Variants in IGSF5 observed in about 807,000 individuals in gnomAD.
The protein encoded by IGSF5 is immunoglobulin superfamily member 5.
Under a neutral mutation model 39.4 loss-of-function variants are expected in IGSF5, and 41 were observed. That is an observed-to-expected ratio of 1.04 (90% CI 0.81 to 1.35). The LOEUF (loss-of-function observed/expected upper bound fraction) is 1.35. Ranked by LOEUF, IGSF5 falls within the 40% of genes most tolerant of loss-of-function variation. IGSF5 has a pLI of 0.00. For missense variants in IGSF5, 487 were observed against 494.6 expected (o/e 0.98, Z 0.15); for synonymous variants, 183 against 175.3 (o/e 1.04, Z -0.34).
intron 5 of IGSF5, among the ~76,000 whole-genome samples, chr21:39,785,731 C>G (rs1153336): frequency 0.22 from 33,128 of 151,534 alleles, 4,491 homozygotes; most frequent in Non-Finnish European, 0.32. Context: ...CTTTTATTTC[C>G]TTGAGCAGTG....
intron 4 of IGSF5, among the ~76,000 whole-genome samples, chr21:39,776,042 A>G (rs997150430): frequency 6.6e-6 from 1 of 152,122 alleles, no homozygotes; most frequent in Non-Finnish European, 1.5e-5. Context: ...TATGGATGAC[A>G]TCATTCCAAG....
At chr21:39,734,532 C>T in the IGSF5 span, among the ~76,000 whole-genome samples, 26 of 151,652 alleles carry the variant, frequency 1.7e-4, no homozygotes, top group Non-Finnish European at 3.4e-4. Context: ...AAATCCTCTG[C>T]GCTTCACCTA....
In IGSF5 at chr21:39,758,135, G is replaced by A. The variant is rs117668587; in HGVS notation, c.101-7400G>A. Among the ~76,000 whole-genome samples, 276 of 152,246 alleles carry A rather than the reference G, an allele frequency of 1.8e-3. 6 individuals are homozygous for A. The East Asian group carries it at 0.036, about 20-fold the overall frequency. On this transcript the variant is annotated intron_variant, in intron 2 of 8. Transcript: ENST00000380588. ...CTGGTCGTCCTGGCACGTAGGGATC[G>A]CCTGAGCTTGGTGGGCTGTTCACCA...
intron 6 of IGSF5, among the ~76,000 whole-genome samples, chr21:39,790,446 C>T (rs1197931012): frequency 6.6e-6 from 1 of 152,066 alleles, no homozygotes; most frequent in East Asian, 1.9e-4. Context: ...ATCCCTTGAG[C>T]CCAGGAGTTT....
intron 2 of IGSF5, among the ~76,000 whole-genome samples, chr21:39,763,343 AAC>A (rs2080070139): frequency 6.6e-6 from 1 of 152,198 alleles, no homozygotes; most frequent in African/African-American, 2.4e-5. Context: ...CAACACAGGT[AAC>A]ACAGTCAGGG....
intron 2 of IGSF5, among the ~76,000 whole-genome samples, chr21:39,755,921 T>C (rs1367494396): frequency 6.6e-6 from 1 of 150,450 alleles, no homozygotes; most frequent in Non-Finnish European, 1.5e-5. Context: ...CTGGCCAACA[T>C]GGTGAAACTC....
chr21:39,767,983 A>G (rs1447110201), intron 3 of IGSF5, among the ~76,000 whole-genome samples: 1 of 152,246 alleles, frequency 6.6e-6, no homozygotes, highest in Non-Finnish European at 1.5e-5. Flanking sequence ...TGTACTTATG[A>G]CACATCACAT....
upstream of IGSF5, among the ~76,000 whole-genome samples, chr21:39,744,901 G>T (rs866530819): frequency 6.6e-6 from 1 of 152,230 alleles, no homozygotes; most frequent in Non-Finnish European, 1.5e-5. Context: ...AGACAGGAAG[G>T]CTATGGGTTG....
At chr21:39,716,220 G>A in the IGSF5 span, among the ~76,000 whole-genome samples, 1 of 152,118 alleles carries the variant, frequency 6.6e-6, no homozygotes, top group Non-Finnish European at 1.5e-5. Context: ...TACAAACACC[G>A]CACAGGTGGG....
At chr21:39,801,093 A>G (rs2087026015) in intron 8 of IGSF5, among the ~76,000 whole-genome samples, 169 bp from the exon 9 acceptor site, 1 of 152,240 alleles carries the variant, frequency 6.6e-6, no homozygotes, top group Non-Finnish European at 1.5e-5. Context: ...AAACTTCTAT[A>G]TTGTGTGTTA....
the IGSF5 span, among the ~76,000 whole-genome samples, chr21:39,718,425 C>T: frequency 6.6e-6 from 1 of 152,228 alleles, no homozygotes; most frequent in East Asian, 1.9e-4. Context: ...TTGTCTTGTG[C>T]TGATTTTCAA....
the IGSF5 span, among the ~76,000 whole-genome samples, chr21:39,728,242 A>AC: frequency 5.3e-5 from 8 of 152,282 alleles, no homozygotes; most frequent in South Asian, 1.7e-3. Flanking sequence ...CTGCAGATGT[A>AC]ATCAACTTAA....
intron 5 of IGSF5, among the ~76,000 whole-genome samples, chr21:39,783,951 A>G (rs1041798068): frequency 2.6e-5 from 4 of 152,260 alleles, no homozygotes; most frequent in South Asian, 2.1e-4. Context: ...ATTCTTTTGT[A>G]TATGGATATC....
At chr21:39,711,968 G>T in the IGSF5 span, among the ~76,000 whole-genome samples, 1 of 152,112 alleles carries the variant, frequency 6.6e-6, no homozygotes, top group Non-Finnish European at 1.5e-5. Context: ...TGAGACTCTC[G>T]CTGTGTCCCT....
chr21:39,800,117 ACTGG>A (rs1355390976), intron 8 of IGSF5, among the ~76,000 whole-genome samples: 1 of 152,212 alleles, frequency 6.6e-6, no homozygotes, highest in Non-Finnish European at 1.5e-5. Flanking sequence ...ATAACCAATT[ACTGG>A]GAAAGGCATG....
chr21:39,743,126 G>T (rs974800065), upstream of IGSF5, among the ~76,000 whole-genome samples: 2 of 152,142 alleles, frequency 1.3e-5, no homozygotes, highest in African/African-American at 4.8e-5. Context: ...GCACACACGT[G>T]AGCAAATGTC....
the IGSF5 span, among the ~76,000 whole-genome samples, chr21:39,738,045 C>T: frequency 6.6e-6 from 1 of 152,146 alleles, no homozygotes; most frequent in African/African-American, 2.4e-5. This position sits in a 1 kb window ranked among gnomAD's most constrained non-coding sequence, Gnocchi z 6.4. Context: ...GTGTATATAT[C>T]TATGTCATCG....
chr21:39,753,852 C>A (rs1385685606), intron 2 of IGSF5, among the ~76,000 whole-genome samples: 2 of 151,988 alleles, frequency 1.3e-5, no homozygotes, highest in African/African-American at 4.8e-5. Context: ...TCCAACCTTT[C>A]ACCTTGAGTT....
Position 39,765,778 on chromosome 21 carries a change from C to G in IGSF5, c.344C>G (p.Pro115Arg), listed in dbSNP as rs1601129036. 1 of 1,614,084 alleles carries G rather than the reference C, an allele frequency of 6.2e-7. No homozygotes were observed. The highest frequency in any genetic ancestry group is 8.5e-7 in the Non-Finnish European group (1 of 1,180,004). ...TSEMIIHNVE[P>R]SDSGNIRCSL... ...GAGATGATCATCCACAATGTGGAGCCCAGTGATTCGGGGAACATCAGATGC... is the reference window on the plus strand; with the variant it reads ...GAGATGATCATCCACAATGTGGAGCGCAGTGATTCGGGGAACATCAGATGC... The change falls in exon 3 of 9, where the codon CCC (proline) becomes CGC (arginine). Residue 115 changes from proline (P) to arginine (R), a missense_variant. By Grantham distance (103) the Pro-to-Arg change is moderately radical. Coordinates refer to ENST00000380588, the MANE Select transcript of IGSF5 (RefSeq NM_001080444.2).
Sources: gnomAD v4.1 joint callset for allele counts (sites outside exome capture counted in the v4.1 genomes callset) on GRCh38, gnomAD v4.1.1 for gene constraint, Gnocchi (gnomAD v3.1) non-coding constraint, MANE v1.5 for transcripts, NCBI Gene and HGNC (gene_info 2026-07-23, HGNC 2026-07-21) for gene names.